The following FANCC variants were observed in gnomAD, a reference collection of about 807,000 sequenced individuals.
FANCC encodes Fanconi anemia group C protein.
Under a neutral mutation model 71.3 loss-of-function variants are expected in FANCC, and 55 were observed. The observed-to-expected ratio is 0.77, with a 90% CI of 0.62 to 0.97. The LOEUF (loss-of-function observed/expected upper bound fraction) is 0.97, where lower values mean the gene tolerates loss of function less well. Among genes scored for constraint, FANCC ranks in the 50% least tolerant of loss-of-function variants. The probability of loss-of-function intolerance (pLI) is 0.00; values close to 1 mark genes in which losing one functional copy is unlikely to be tolerated. For synonymous variants in FANCC, 275 were observed against 244.9 expected, an observed-to-expected ratio of 1.12 and a Z score of -1.15; for missense variants, 678 against 670.9, an observed-to-expected ratio of 1.01 and a Z score of -0.12.
At chr9:95,172,540 C>T (rs572279308) in intron 4 of FANCC, among the ~76,000 whole-genome samples, 28 of 152,052 alleles carry the variant, frequency 1.8e-4, no homozygotes, top group Non-Finnish European at 4.0e-4. Context: ...TCAAGGGTGG[C>T]ACATTGCACA....
At chr9:95,228,643 T>C (rs1588315473) in intron 4 of FANCC, among the ~76,000 whole-genome samples, 1 of 152,272 alleles carries the variant, frequency 6.6e-6, no homozygotes, top group South Asian at 2.1e-4. Flanking sequence ...CAGGAGCTGA[T>C]GAGCACTAAG....
At chr9:95,206,461 G>A (rs970943276) in intron 4 of FANCC, among the ~76,000 whole-genome samples, 1 of 152,104 alleles carries the variant, frequency 6.6e-6, no homozygotes, top group African/African-American at 2.4e-5. Context: ...CCCCTACATC[G>A]TCTAACAAGG....
At chr9:95,101,981 A>G in intron 14 of FANCC, 131 bp from the exon 15 acceptor site, 2 of 1,045,216 alleles carry the variant, frequency 1.9e-6, no homozygotes, top group Admixed American at 2.0e-5. Flanking sequence ...GTTCCAAAGT[A>G]AAGCATCAGG....
At position 95,099,088 on chromosome 9, in the gene FANCC, A is replaced by AAAT. The variant is rs1460926841; in HGVS notation, c.*2616_*2618dup. ...AACTGAAGTTTTATTTAGAATGAAA[A>AAAT]AATAGACAACAAATTACAGATTTTA... On this transcript the variant is annotated 3_prime_UTR_variant, in exon 15 of 15. Coordinates refer to ENST00000289081, the MANE Select transcript of FANCC (RefSeq NM_000136.3). 5 of 194,358 alleles carry AAAT rather than the reference A, an allele frequency of 2.6e-5. No individual in the cohort carries two copies. The highest frequency in any genetic ancestry group is 6.1e-5 in the Admixed American group (1 of 16,402). The allele number at this position is 194,358 out of a possible 1,614,324, so 12.0% of individuals were successfully genotyped here. A position where few individuals can be genotyped will look rare whatever the true frequency, so the allele number is the denominator to read the frequency against.
At chr9:95,221,799 C>T (rs1327587113) in intron 4 of FANCC, among the ~76,000 whole-genome samples, 2 of 152,086 alleles carry the variant, frequency 1.3e-5, no homozygotes, top group Non-Finnish European at 2.9e-5. Flanking sequence ...CATACCAAAA[C>T]CACTTTGAGA....
chr9:95,263,549 G>A (rs1280869834), intron 1 of FANCC, among the ~76,000 whole-genome samples: 2 of 149,706 alleles, frequency 1.3e-5, no homozygotes, highest in Non-Finnish European at 3.0e-5. Context: ...TAGATAGATA[G>A]ATAGATAGAT....
In FANCC at chr9:95,101,640, T is replaced by TC. The variant is rs2071077661; in HGVS notation, c.*66dup. The TC allele has an allele frequency of 6.3e-7, 1 of 1,591,912 alleles. No homozygotes were observed. The highest frequency in any genetic ancestry group is 1.7e-5 in the Admixed American group (1 of 59,610). ...TCCACAAATGCGTGGCCACAGGTCA[T>TC]CACCTGTCCTGTGGCCCTGGCGAGC... On this transcript the variant is annotated 3_prime_UTR_variant, in exon 15 of 15. Coordinates refer to ENST00000289081, the MANE Select transcript of FANCC (RefSeq NM_000136.3).
rs1830059125 is a variant in FANCC at position 95,149,948 on chromosome 9, C to T, written c.661G>A (p.Glu221Lys). 6.2e-7 allele frequency: 1 copy of T among 1,609,614 alleles called. No homozygotes were observed. The change falls in exon 7 of 15, where the codon GAG (glutamate) becomes AAG (lysine). Residue 221 changes from glutamate (E) to lysine (K), a missense_variant. Glu to Lys is a moderately conservative substitution (Grantham distance 56). Transcript: ENST00000289081. Reference sequence around the variant, plus strand: ...AGCAAAATGGCCTCGTTTACAGCCTCAAAGAACTCTGGCTGGAGGATTTCC... The same window carrying T: ...AGCAAAATGGCCTCGTTTACAGCCTTAAAGAACTCTGGCTGGAGGATTTCC... ...PQEILQPEFF[E>K]AVNEAILLKK...
chr9:95,294,446 A>C, intron 1 of FANCC: 1 of 1,604,454 alleles, frequency 6.2e-7, no homozygotes. Flanking sequence ...TTTGACAGAC[A>C]AACACAGACA....
At chr9:95,219,442 T>G (rs1260195185) in intron 4 of FANCC, among the ~76,000 whole-genome samples, 1 of 152,146 alleles carries the variant, frequency 6.6e-6, no homozygotes, top group Non-Finnish European at 1.5e-5. Context: ...ATGGAGCCAG[T>G]CTGCAAAAAT....
chr9:95,150,842 C>T (rs1830132183), intron 6 of FANCC, among the ~76,000 whole-genome samples: 1 of 152,210 alleles, frequency 6.6e-6, no homozygotes, highest in Admixed American at 6.5e-5. Context: ...GCCTGAAATA[C>T]ATGATTAGCT....
intron 1 of FANCC, among the ~76,000 whole-genome samples, chr9:95,261,146 T>C (rs1832017271): frequency 6.6e-6 from 1 of 152,342 alleles, no homozygotes; most frequent in African/African-American, 2.4e-5. Context: ...GAAGCAGACA[T>C]ATAAGGTGGC....
chr9:95,180,642 T>G (rs991780766), intron 4 of FANCC, among the ~76,000 whole-genome samples: 2 of 142,148 alleles, frequency 1.4e-5, no homozygotes, highest in East Asian at 4.0e-4. Context: ...TCTGGCCAAC[T>G]TTTTTTTTTT....
intron 4 of FANCC, among the ~76,000 whole-genome samples, chr9:95,209,724 A>G (rs188291304): frequency 2.0e-4 from 31 of 152,246 alleles, no homozygotes; most frequent in Admixed American, 1.6e-3. Context: ...ATATCTATTG[A>G]TTATATTTCC....
chr9:95,244,215 C>G (rs1279915825), intron 3 of FANCC, among the ~76,000 whole-genome samples: 1 of 152,234 alleles, frequency 6.6e-6, no homozygotes, highest in Non-Finnish European at 1.5e-5. Flanking sequence ...TTTGCCCCAG[C>G]AGGGGCTCTC....
At chr9:95,201,107 T>C (rs547770070) in intron 4 of FANCC, among the ~76,000 whole-genome samples, 6 of 152,342 alleles carry the variant, frequency 3.9e-5, no homozygotes, top group South Asian at 4.1e-4. Context: ...AAAGAGAACA[T>C]TTTTGAAAGT....
intron 1 of FANCC, among the ~76,000 whole-genome samples, chr9:95,302,080 T>TG (rs1476346273): frequency 2.5e-5 from 1 of 40,468 alleles, no homozygotes; most frequent in Non-Finnish European, 4.6e-5. Flanking sequence ...AGACTCCATC[T>TG]CAAAAAAAAA....
intron 11 of FANCC, among the ~76,000 whole-genome samples, chr9:95,115,325 C>T (rs988743031): frequency 1.2e-4 from 19 of 152,146 alleles, no homozygotes; most frequent in Admixed American, 3.3e-4. Flanking sequence ...TGCCGGGTTG[C>T]GGATGCCCTA....
chr9:95,313,871 C>CA (rs1835569637), intron 1 of FANCC, among the ~76,000 whole-genome samples: 1 of 152,060 alleles, frequency 6.6e-6, no homozygotes, highest in African/African-American at 2.4e-5. Flanking sequence ...TGCAGAAAAG[C>CA]AACATTTCTA....
Sources: allele counts gnomAD v4.1 joint callset (sites outside exome capture counted in the v4.1 genomes callset), GRCh38; gene constraint gnomAD v4.1.1; transcripts MANE v1.5; gene names NCBI Gene and HGNC (gene_info 2026-07-23, HGNC 2026-07-21).